The following GHR variants were observed in gnomAD, a reference collection of about 807,000 sequenced individuals.
The protein encoded by GHR is growth hormone receptor, also known as GH receptor.
A neutral mutation model predicts 67.1 loss-of-function variants in GHR; 35 were observed. The ratio of observed to expected loss-of-function variants is 0.52; its 90% CI spans 0.40 to 0.69. The LOEUF (loss-of-function observed/expected upper bound fraction) is 0.69, where lower values mean the gene tolerates loss of function less well. GHR is among the 30% of genes least tolerant of loss of function. The pLI is 0.00. For missense variants in GHR, 792 were observed against 764.6 expected (o/e 1.04, Z -0.42); for synonymous variants, 272 against 269.1 (o/e 1.01, Z -0.10).
chr5:42,613,271 G>T (rs1280667487), intron 2 of GHR, among the ~76,000 whole-genome samples: 2 of 152,048 alleles, frequency 1.3e-5, no homozygotes. Flanking sequence ...GGGTCCTCTA[G>T]TAATACTTTG....
chr5:42,721,283 A>C lies in GHR; in HGVS notation c.*1859A>C. 6.6e-6 allele frequency: 1 copy of C among 152,268 alleles called. No individual in the cohort carries two copies. The highest frequency in any genetic ancestry group is 6.5e-5 in the Admixed American group (1 of 15,296). The allele number at this position is 152,268 out of a possible 1,614,324, so 9.4% of individuals were successfully genotyped here. ...CTGAAAAGGTTTATGAAAAAGAAGA[A>C]TCTCATCTCAGTGAAGAATACTTCT... On this transcript the variant is annotated 3_prime_UTR_variant, in exon 10 of 10. Coordinates refer to ENST00000230882, the MANE Select transcript of GHR (RefSeq NM_000163.5).
chr5:42,664,107 T>G (rs532899817), intron 3 of GHR, among the ~76,000 whole-genome samples: 1 of 152,256 alleles, frequency 6.6e-6, no homozygotes, highest in East Asian at 1.9e-4. Context: ...TACAAAGAAA[T>G]GGAAGAACAT....
intron 3 of GHR, among the ~76,000 whole-genome samples, chr5:42,636,069 G>A (rs1382017393): frequency 6.6e-6 from 1 of 151,744 alleles, no homozygotes; most frequent in Non-Finnish European, 1.5e-5. Flanking sequence ...AATTAGCCGG[G>A]CGTGGTGGCG....
intron 3 of GHR, among the ~76,000 whole-genome samples, chr5:42,657,795 T>A (rs1439938469): frequency 6.6e-6 from 1 of 152,210 alleles, no homozygotes; most frequent in Non-Finnish European, 1.5e-5. Flanking sequence ...ATGTTCCTTT[T>A]TCTTGCTTTT....
At chr5:42,698,888 G>A (rs1209384793) in intron 5 of GHR, among the ~76,000 whole-genome samples, 1 of 152,174 alleles carries the variant, frequency 6.6e-6, no homozygotes, top group Non-Finnish European at 1.5e-5. Context: ...TTTAGACATA[G>A]TTCCTAGCTT....
At chr5:42,566,849 G>A (rs1298943627) in intron 2 of GHR, among the ~76,000 whole-genome samples, 5 of 152,074 alleles carry the variant, frequency 3.3e-5, no homozygotes, top group East Asian at 1.9e-4. Context: ...CAGACTTAGC[G>A]CCTTAAGATG....
chr5:42,454,672 C>T (rs1446890357), intron 1 of GHR, among the ~76,000 whole-genome samples: 1 of 152,190 alleles, frequency 6.6e-6, no homozygotes, highest in Admixed American at 6.5e-5. Flanking sequence ...CTTCACCCAG[C>T]TCCCACACAG....
chr5:42,515,867 T>C (rs1285339892), intron 1 of GHR, among the ~76,000 whole-genome samples: 1 of 152,236 alleles, frequency 6.6e-6, no homozygotes, highest in Non-Finnish European at 1.5e-5. Context: ...GGTATGTTGA[T>C]CTTGTAGGAG....
At chr5:42,495,569 T>C (rs1746289739) in intron 1 of GHR, among the ~76,000 whole-genome samples, 1 of 152,094 alleles carries the variant, frequency 6.6e-6, no homozygotes, top group Non-Finnish European at 1.5e-5. Context: ...TGGCCTTTCA[T>C]GGCTACCATA....
intron 2 of GHR, among the ~76,000 whole-genome samples, chr5:42,615,857 G>A (rs551054511): frequency 3.9e-5 from 6 of 152,016 alleles, no homozygotes; most frequent in South Asian, 4.1e-4. Context: ...GAAAATGTTC[G>A]CAGAGGGAAA....
chr5:42,559,372 G>A (rs535610436), intron 1 of GHR, among the ~76,000 whole-genome samples: 1 of 152,220 alleles, frequency 6.6e-6, no homozygotes, highest in African/African-American at 2.4e-5. Flanking sequence ...AAGACCTTGT[G>A]TATAAAATAA....
chr5:42,714,325 T>A (rs978706746), intron 8 of GHR: 1 of 152,202 alleles, frequency 6.6e-6, no homozygotes, highest in African/African-American at 2.4e-5. Context: ...GCAAGTCCGG[T>A]GTGCCAGGAA....
At chr5:42,562,432 A>G (rs533658451) in intron 1 of GHR, among the ~76,000 whole-genome samples, 11 of 152,236 alleles carry the variant, frequency 7.2e-5, no homozygotes, top group Non-Finnish European at 1.5e-4. Flanking sequence ...GCACTTAGTT[A>G]GAGTCGGGTC....
intron 1 of GHR, chr5:42,468,791 C>T (rs1033447616): frequency 1.9e-6 from 2 of 1,075,256 alleles, no homozygotes; most frequent in Non-Finnish European, 2.8e-6. Context: ...TCGAAGGGGT[C>T]CGATTAGTTG....
intron 3 of GHR, among the ~76,000 whole-genome samples, chr5:42,687,863 G>A (rs998218872): frequency 3.3e-5 from 5 of 152,128 alleles, no homozygotes; most frequent in African/African-American, 1.2e-4. Context: ...AAAAAGAAGA[G>A]AAATTTGAAA....
rs560256502 is a variant in GHR at position 42,462,762 on chromosome 5, A to G, written c.-12+38807A>G. On this transcript the variant is annotated intron_variant, in intron 1 of 9. Transcript: ENST00000230882. Reference sequence around the variant, plus strand: ...GAGGTCCTCAAATTCAAAAATTATAATACAAGGTTGTAATGTCAGCACTTC... The same window carrying G: ...GAGGTCCTCAAATTCAAAAATTATAGTACAAGGTTGTAATGTCAGCACTTC... Among the ~76,000 whole-genome samples, 196 of 152,108 alleles carry G rather than the reference A, an allele frequency of 1.3e-3. 5 individuals are homozygous for G. In the South Asian group the frequency reaches 0.04, roughly 31 times the overall value.
intron 1 of GHR, among the ~76,000 whole-genome samples, chr5:42,435,471 A>T (rs1743283386): frequency 2.0e-5 from 3 of 152,354 alleles, no homozygotes; most frequent in Admixed American, 2.0e-4. Context: ...GGTGAGGTGA[A>T]TACTTTAGGC....
At chr5:42,466,038 A>G (rs1014213346) in intron 1 of GHR, 1 of 475,650 alleles carries the variant, frequency 2.1e-6, no homozygotes, top group Non-Finnish European at 3.8e-6. Context: ...TCCTCTAGGC[A>G]AGCTTTATTC....
intron 2 of GHR, among the ~76,000 whole-genome samples, chr5:42,576,143 T>TAAAATAAAAA (rs1359047675): frequency 0.026 from 2,146 of 82,940 alleles, 74 homozygotes; most frequent in African/African-American, 0.076. Context: ...TAAAATAAAA[T>TAAAATAAAAA]AGTAAAGTAA....
Sources: allele counts gnomAD v4.1 joint callset (sites outside exome capture counted in the v4.1 genomes callset), GRCh38; gene constraint gnomAD v4.1.1; transcripts MANE v1.5; gene names NCBI Gene and HGNC (gene_info 2026-07-23, HGNC 2026-07-21).